The following SRRM4 variants were observed in gnomAD, a reference collection of about 807,000 sequenced individuals.
The protein encoded by SRRM4 is serine/arginine repetitive matrix 4, also known as serine/arginine repetitive matrix protein 4.
A neutral mutation model predicts 68.9 loss-of-function variants in SRRM4; 33 were observed. The observed-to-expected ratio is 0.48, with a 90% confidence interval of 0.36 to 0.64. SRRM4 has a LOEUF of 0.64. Ranked by LOEUF, SRRM4 falls within the 30% of genes least tolerant of loss-of-function variation. The pLI is 0.00. For missense variants in SRRM4, 817 were observed against 827.1 expected, an observed-to-expected ratio of 0.99 and a Z score of 0.15; for synonymous variants, 318 against 318.8, an observed-to-expected ratio of 1.00 and a Z score of 0.03.
At chr12:119,056,442 G>A (rs778681090) in intron 1 of SRRM4, among the ~76,000 whole-genome samples, 8 of 152,250 alleles carry the variant, frequency 5.3e-5, no homozygotes, top group South Asian at 2.1e-4. Context: ...GTAACATTCC[G>A]GTGAAGCTTT....
chr12:119,109,577 A>G (rs987750246), intron 2 of SRRM4, among the ~76,000 whole-genome samples: 3 of 152,092 alleles, frequency 2.0e-5, no homozygotes, highest in East Asian at 1.9e-4. Flanking sequence ...TTGATCTTCA[A>G]TCACTGATAC....
chr12:118,995,346 T>C (rs11069220), intron 1 of SRRM4, among the ~76,000 whole-genome samples: 42,321 of 152,116 alleles, frequency 0.28, 6,131 homozygotes, highest in Non-Finnish European at 0.31. Flanking sequence ...CTAACTCTTA[T>C]TGGGAACACC....
chr12:119,094,976 A>G (rs1299914194), intron 1 of SRRM4, among the ~76,000 whole-genome samples: 2 of 152,278 alleles, frequency 1.3e-5, no homozygotes, highest in African/African-American at 4.8e-5. Context: ...AATTTCTACT[A>G]AAATGAACAT....
chr12:118,989,068 G>A (rs1165434420), intron 1 of SRRM4, among the ~76,000 whole-genome samples: 2 of 152,208 alleles, frequency 1.3e-5, no homozygotes, highest in South Asian at 2.1e-4. Flanking sequence ...CAGGATGCAG[G>A]CAGAAAACAG....
At chr12:118,985,661 T>C (rs1225795211) in intron 1 of SRRM4, among the ~76,000 whole-genome samples, 1 of 152,152 alleles carries the variant, frequency 6.6e-6, no homozygotes, top group African/African-American at 2.4e-5. Context: ...GCCACCTCCC[T>C]TTTATCCCCA....
At chr12:119,088,904 C>CA (rs1667255906) in intron 1 of SRRM4, among the ~76,000 whole-genome samples, 2 of 152,186 alleles carry the variant, frequency 1.3e-5, no homozygotes, top group Admixed American at 6.5e-5. Flanking sequence ...TTACTCTGCA[C>CA]AAGGAATGGT....
chr12:119,081,862 C>T (rs186123310), intron 1 of SRRM4, among the ~76,000 whole-genome samples: 2 of 152,338 alleles, frequency 1.3e-5, no homozygotes, highest in East Asian at 1.9e-4. Flanking sequence ...TCAAGGACAA[C>T]ACCAAGGTTA....
chr12:119,036,244 T>G (rs1953626222), intron 1 of SRRM4, among the ~76,000 whole-genome samples: 6 of 152,164 alleles, frequency 3.9e-5, no homozygotes, highest in Admixed American at 2.6e-4. Flanking sequence ...CTCCACTTGG[T>G]GTGGCCATTG....
intron 2 of SRRM4, among the ~76,000 whole-genome samples, chr12:119,112,594 A>G (rs1213653886): frequency 6.6e-6 from 1 of 152,254 alleles, no homozygotes; most frequent in Non-Finnish European, 1.5e-5. Flanking sequence ...TGTGGTATAC[A>G]TATACCATGG....
Position 118,992,850 on chromosome 12 carries a change from G to A in SRRM4, c.131+10837G>A, listed in dbSNP as rs868618149. On this transcript the variant is annotated intron_variant, in intron 1 of 12. Coordinates refer to ENST00000267260, the MANE Select transcript of SRRM4 (RefSeq NM_194286.4). ...GCATCAGAAAATTAGTGCCAAAGCT[G>A]TAGCTAAAATATGGGCTGCTTGGCA... 4.9e-4 allele frequency among the ~76,000 whole-genome samples: 74 copies of A among 152,282 alleles called. 1 individual carries two copies. Among genetic ancestry groups the A allele is most frequent in the African/African-American group, 1.6e-3 (68 of 41,558 alleles).
intron 2 of SRRM4, among the ~76,000 whole-genome samples, chr12:119,111,838 G>A (rs939945126): frequency 6.6e-6 from 1 of 152,186 alleles, no homozygotes; most frequent in African/African-American, 2.4e-5. Context: ...GGGGTCAGGA[G>A]TTCGAGACCA....
chr12:119,003,081 A>G (rs1179664091), intron 1 of SRRM4, among the ~76,000 whole-genome samples: 1 of 151,796 alleles, frequency 6.6e-6, no homozygotes, highest in Non-Finnish European at 1.5e-5. Flanking sequence ...AGGGGTTTGA[A>G]TCCCACACCA....
Position 119,137,098 on chromosome 12 carries a change from A to G in SRRM4, c.771+6264A>G, listed in dbSNP as rs1347370598. The stretch of plus-strand genomic sequence containing the variant: ...ATAAACTTAATGTCTTTGTGAAACA[A>G]AAGCTTTTTTTTTTTTAAGGAATAA... On this transcript the variant is annotated intron_variant, in intron 8 of 12. Coordinates refer to ENST00000267260, the MANE Select transcript of SRRM4 (RefSeq NM_194286.4). Among the ~76,000 whole-genome samples the G allele has an allele frequency of 3.3e-5, 5 of 150,766 alleles. No homozygotes were observed. In the East Asian group the frequency reaches 9.6e-4, roughly 29 times the overall value.
chr12:119,101,675 A>G (rs1439981110), intron 1 of SRRM4, among the ~76,000 whole-genome samples: 1 of 152,114 alleles, frequency 6.6e-6, no homozygotes, highest in African/African-American at 2.4e-5. Flanking sequence ...TATAGCTACT[A>G]AATAGTTAAG....
chr12:119,136,568 A>C (rs920657612), intron 8 of SRRM4, among the ~76,000 whole-genome samples: 2 of 152,230 alleles, frequency 1.3e-5, no homozygotes, highest in Non-Finnish European at 2.9e-5. Context: ...ACCATTTTCT[A>C]TCACTAAAGG....
Position 119,159,614 on chromosome 12 carries a change from A to T in SRRM4, c.*2816A>T, listed in dbSNP as rs1468066719. 6.6e-6 allele frequency: 1 copy of T among 152,168 alleles called. No individual in the cohort carries two copies. Among genetic ancestry groups the T allele is most frequent in the East Asian group, 1.9e-4 (1 of 5,174 alleles). 9.4% of individuals were successfully genotyped at this position (152,168 alleles called of 1,614,324 possible). ...GGCAGGAATTGAGCTGACTGAGGGA[A>T]GATGCACCTTGATCTCACCCTCACT... On this transcript the variant is annotated 3_prime_UTR_variant, in exon 13 of 13. Coordinates refer to ENST00000267260, the MANE Select transcript of SRRM4 (RefSeq NM_194286.4).
At chr12:119,005,214 TGGAGA>T (rs1014738720) in intron 1 of SRRM4, among the ~76,000 whole-genome samples, 34 of 152,142 alleles carry the variant, frequency 2.2e-4, no homozygotes, top group African/African-American at 8.0e-4. Flanking sequence ...GTCCCAACCC[TGGAGA>T]GGATGGATTC....
At chr12:118,985,040 T>C (rs1487309611) in intron 1 of SRRM4, among the ~76,000 whole-genome samples, 4 of 152,206 alleles carry the variant, frequency 2.6e-5, no homozygotes, top group Non-Finnish European at 1.5e-5. Flanking sequence ...TTAGTAGACA[T>C]TGACTCTGGA....
intron 1 of SRRM4, among the ~76,000 whole-genome samples, chr12:119,082,968 G>C (rs1438535649): frequency 1.3e-5 from 2 of 152,206 alleles, no homozygotes; most frequent in Non-Finnish European, 1.5e-5. Context: ...AGGAAGGAGA[G>C]AAAGAACATA....
Sources: allele counts gnomAD v4.1 joint callset (sites outside exome capture counted in the v4.1 genomes callset), GRCh38; gene constraint gnomAD v4.1.1; transcripts MANE v1.5; gene names NCBI Gene and HGNC (gene_info 2026-07-23, HGNC 2026-07-21).